Variants in BICD1 observed in about 807,000 individuals in gnomAD.
BICD1 encodes the protein protein bicaudal D homolog 1.
Under a neutral mutation model 92.5 loss-of-function variants are expected in BICD1, and 35 were observed. The observed-to-expected ratio is 0.38, with a 90% CI of 0.29 to 0.50. BICD1 has a LOEUF of 0.50. Ranked by LOEUF, BICD1 falls within the 20% of genes least tolerant of loss-of-function variation. The pLI is 0.93. For synonymous variants in BICD1, 429 were observed against 465.1 expected (o/e 0.92, Z 1.00); for missense variants, 950 against 1,189.8 (o/e 0.80, Z 2.97).
At chr12:32,326,378 C>A (rs1948778586) in intron 4 of BICD1, among the ~76,000 whole-genome samples, 1 of 151,908 alleles carries the variant, frequency 6.6e-6, no homozygotes, top group Non-Finnish European at 1.5e-5. Context: ...AAAATTTTTC[C>A]ACATTGCAAT....
chr12:32,371,032 T>G (rs932327135), intron 9 of BICD1, among the ~76,000 whole-genome samples: 1 of 152,150 alleles, frequency 6.6e-6, no homozygotes, highest in Non-Finnish European at 1.5e-5. Context: ...ACTTTTTTTT[T>G]TCCACCTTGC....
intron 1 of BICD1, among the ~76,000 whole-genome samples, chr12:32,206,055 C>A (rs1018704587): frequency 1.3e-5 from 2 of 152,098 alleles, no homozygotes; most frequent in South Asian, 4.1e-4. Context: ...TTTTTATTGC[C>A]GATTAGTATT....
chr12:32,348,712 G>A (rs1938724683), intron 8 of BICD1, among the ~76,000 whole-genome samples: 1 of 78,728 alleles, frequency 1.3e-5, no homozygotes, highest in African/African-American at 5.3e-5. Flanking sequence ...ATGCTTTCTA[G>A]CTCACACAAA....
At chr12:32,280,741 C>T (rs1318332036) in intron 2 of BICD1, among the ~76,000 whole-genome samples, 6 of 152,206 alleles carry the variant, frequency 3.9e-5, no homozygotes, top group African/African-American at 1.4e-4. Flanking sequence ...TTTACTCACT[C>T]GTTGCTAATC....
At chr12:32,125,437 C>G (rs1179754021) in intron 1 of BICD1, among the ~76,000 whole-genome samples, 1 of 152,136 alleles carries the variant, frequency 6.6e-6, no homozygotes, top group Non-Finnish European at 1.5e-5. Context: ...GGAAGTTTCC[C>G]TTATGCCTCT....
intron 5 of BICD1, chr12:32,332,533 A>G: frequency 2.5e-6 from 2 of 797,432 alleles, no homozygotes; most frequent in African/African-American, 1.9e-5. Flanking sequence ...TGAAGATTCA[A>G]AGAAGACTAA....
At chr12:32,301,926 G>A (rs187356752) in intron 3 of BICD1, among the ~76,000 whole-genome samples, 1,533 of 152,072 alleles carry the variant, frequency 0.01, 32 homozygotes, top group African/African-American at 0.035. Flanking sequence ...TTGCTCTGTC[G>A]CCCAGGCTGG....
intron 4 of BICD1, among the ~76,000 whole-genome samples, chr12:32,321,764 C>G (rs1355700019): frequency 6.6e-6 from 1 of 152,028 alleles, no homozygotes; most frequent in Non-Finnish European, 1.5e-5. Context: ...TTTTGGAGGC[C>G]AAGGCGGGTG....
intron 2 of BICD1, among the ~76,000 whole-genome samples, chr12:32,238,568 G>T (rs1030311493): frequency 1.3e-5 from 2 of 152,226 alleles, no homozygotes; most frequent in African/African-American, 2.4e-5. Context: ...TGAGTAAAAT[G>T]CGATCAAACA....
In BICD1 at chr12:32,351,224, G is replaced by T. The variant is rs984746139; in HGVS notation, c.2764+12245G>T. 4.6e-5 allele frequency among the ~76,000 whole-genome samples: 7 copies of T among 151,218 alleles called. No individual in the cohort carries two copies. In the South Asian group the frequency reaches 8.4e-4, roughly 18 times the overall value. ...TTTGTGGCCAGGTGTGGTGGCTCAC[G>T]CCTGTAATCCCAGCACTTTGGGAAG... On this transcript the variant is annotated intron_variant, in intron 8 of 9. Transcript: ENST00000652176.
chr12:32,256,139 AC>A (rs1450809696), intron 2 of BICD1, among the ~76,000 whole-genome samples: 15 of 151,828 alleles, frequency 9.9e-5, no homozygotes, highest in Admixed American at 4.6e-4. Flanking sequence ...TGCAACCTTG[AC>A]CCCCTGGGCT....
intron 9 of BICD1, among the ~76,000 whole-genome samples, chr12:32,374,902 T>C (rs1297701841): frequency 7.2e-6 from 1 of 139,796 alleles, no homozygotes; most frequent in Non-Finnish European, 1.5e-5. Context: ...TTTTCTTCAT[T>C]TATTTTCCTT....
chr12:32,319,136 G>T (rs1210596651), intron 4 of BICD1, among the ~76,000 whole-genome samples: 1 of 151,998 alleles, frequency 6.6e-6, no homozygotes, highest in Admixed American at 6.6e-5. Flanking sequence ...CCTTTTATTT[G>T]ATTTTCTCAC....
At position 32,305,735 on chromosome 12, in the gene BICD1, T is replaced by G. The variant is rs1386207177; in HGVS notation, c.618T>G (p.Phe206Leu). The stretch of plus-strand genomic sequence containing the variant: ...GCTTAAAGCATGAGATTAAGCGATT[T>G]GAGGAGGAGACGGTACTGCTGAACA... The part of the protein sequence containing the change: ...YEGLKHEIKR[F>L]EEETVLLNSQ... The change falls in exon 4 of 10, where the codon TTT becomes TTG. Residue 206 changes from phenylalanine (F) to leucine (L), a missense_variant. Coordinates refer to ENST00000652176, the MANE Select transcript of BICD1 (RefSeq NM_001714.4). 1 of 1,613,666 alleles carries G rather than the reference T, an allele frequency of 6.2e-7. No homozygotes were observed. Among genetic ancestry groups the G allele is most frequent in the Non-Finnish European group, 8.5e-7 (1 of 1,179,964 alleles).
At chr12:32,116,504 C>CTATATA (rs1486131484) in intron 1 of BICD1, among the ~76,000 whole-genome samples, 123 of 82,074 alleles carry the variant, frequency 1.5e-3, no homozygotes, top group East Asian at 8.5e-3. Flanking sequence ...CTCTCTCTCT[C>CTATATA]TCTCTCTATA....
At chr12:32,173,296 C>T (rs562942723) in intron 1 of BICD1, among the ~76,000 whole-genome samples, 66 of 152,260 alleles carry the variant, frequency 4.3e-4, no homozygotes, top group African/African-American at 1.3e-3. Context: ...GCAATCCGCC[C>T]GCCTCGGCCT....
chr12:32,189,675 G>A (rs1352208751), intron 1 of BICD1, among the ~76,000 whole-genome samples: 2 of 151,954 alleles, frequency 1.3e-5, no homozygotes, highest in Non-Finnish European at 2.9e-5. Flanking sequence ...AATGGTGGGT[G>A]GGGGATAAGT....
chr12:32,195,284 G>T (rs1277417795), intron 1 of BICD1, among the ~76,000 whole-genome samples: 1 of 152,032 alleles, frequency 6.6e-6, no homozygotes, highest in Non-Finnish European at 1.5e-5. Context: ...GTATGGAATT[G>T]CAAAAGACCC....
chr12:32,168,654 C>T lies in BICD1; in HGVS notation c.214-47593C>T, dbSNP rs113750610. Among the ~76,000 whole-genome samples the T allele has an allele frequency of 6.2e-3, 947 of 152,274 alleles. 9 individuals carry two copies. Among genetic ancestry groups the T allele is most frequent in the African/African-American group, 0.022 (915 of 41,564 alleles). Reference sequence around the variant, plus strand: ...TTGGGATGTGAACCACTCTCTTAATCGGGTCCACTGTGTATCCAAAGTTGA... The same window carrying T: ...TTGGGATGTGAACCACTCTCTTAATTGGGTCCACTGTGTATCCAAAGTTGA... On this transcript the variant is annotated intron_variant, in intron 1 of 9. Coordinates refer to ENST00000652176, the MANE Select transcript of BICD1 (RefSeq NM_001714.4).
Sources: allele counts gnomAD v4.1 joint callset (sites outside exome capture counted in the v4.1 genomes callset), GRCh38; gene constraint gnomAD v4.1.1; transcripts MANE v1.5; gene names NCBI Gene and HGNC (gene_info 2026-07-23, HGNC 2026-07-21).